The following TDRD5 variants were observed in gnomAD, a reference collection of about 807,000 sequenced individuals.
TDRD5 encodes the protein tudor domain-containing protein 5.
A neutral mutation model predicts 120.6 loss-of-function variants in TDRD5; 41 were observed. The ratio of observed to expected loss-of-function variants is 0.34; its 90% CI spans 0.26 to 0.44. TDRD5 has a LOEUF of 0.44. Ranked by LOEUF, TDRD5 falls within the 20% of genes least tolerant of loss-of-function variation. The pLI is 1.00. For synonymous variants in TDRD5, 430 were observed against 433.7 expected (o/e 0.99, Z 0.11); for missense variants, 1,006 against 1,221.2 (o/e 0.82, Z 2.63).
intron 15 of TDRD5, 103 bp downstream of exon 15, chr1:179,662,389 T>C (rs1679360289): frequency 7.9e-7 from 1 of 1,262,502 alleles, no homozygotes; most frequent in East Asian, 2.7e-5. Flanking sequence ...TCAGTTGAGC[T>C]CAGGAGTTCA....
chr1:179,640,409 T>C lies in TDRD5; in HGVS notation c.1764T>C (p.Ala588=), dbSNP rs749826001. Residue 588 remains alanine, a synonymous_variant, in exon 11 of 18, where the codon GCT becomes GCC. Transcript: ENST00000444136. ...KCCYTKLPAQ[A]IPCSLAWVRP... is the part of the protein sequence containing the mutation. ...GCTACACAAAGCTTCCAGCTCAGGC[T>C]ATCCCTTGTTCTTTGGCTTGGGTGA... The C allele has an allele frequency of 6.2e-7, 1 of 1,614,200 alleles. No homozygotes were observed. Among genetic ancestry groups the C allele is most frequent in the Admixed American group, 1.7e-5 (1 of 60,028 alleles).
At chr1:179,622,273 A>AT (rs1449832367) in intron 6 of TDRD5, among the ~76,000 whole-genome samples, 3 of 152,144 alleles carry the variant, frequency 2.0e-5, no homozygotes, top group Admixed American at 1.3e-4. Flanking sequence ...AGGGTGGCAG[A>AT]TTTTGGGTTT....
intron 3 of TDRD5, 61 bp downstream of exon 3, chr1:179,593,928 G>A: frequency 6.5e-7 from 1 of 1,544,508 alleles, no homozygotes; most frequent in African/African-American, 1.4e-5. Flanking sequence ...TAATCACTAA[G>A]GTCTATGAGT....
At chr1:179,637,182 C>T (rs1001397607) in intron 9 of TDRD5, among the ~76,000 whole-genome samples, 1 of 152,060 alleles carries the variant, frequency 6.6e-6, no homozygotes, top group Non-Finnish European at 1.5e-5. Context: ...TTTAATTTGA[C>T]AATAGTATGT....
chr1:179,655,806 T>C (rs1678977533), intron 14 of TDRD5, among the ~76,000 whole-genome samples: 1 of 152,220 alleles, frequency 6.6e-6, no homozygotes, highest in African/African-American at 2.4e-5. Context: ...TCTTTTCGAT[T>C]GCTGAATAGT....
In TDRD5 at chr1:179,654,283, T is replaced by C; in HGVS notation, c.2243T>C (p.Leu748Ser). ...EPLKDSEFES[L>S]KTCNKSFEED... ...TTAAAGGATTCTGAATTTGAGTCTTTGAAAACCTGTAATAAGAGCTTTGAA... is the reference window on the plus strand; with the variant it reads ...TTAAAGGATTCTGAATTTGAGTCTTCGAAAACCTGTAATAAGAGCTTTGAA... The change falls in exon 14 of 18, where the codon TTG (leucine) becomes TCG (serine). Residue 748 changes from leucine to serine, a missense_variant. Leu to Ser is a moderately radical substitution (Grantham distance 145). This residue lies in a region of TDRD5 where 403 missense variants were observed against 448.1 expected (regional missense o/e 0.90). Transcript: ENST00000444136. The C allele has an allele frequency of 1.3e-6, 2 of 1,549,948 alleles. No individual in the cohort carries two copies. Among genetic ancestry groups the C allele is most frequent in the Non-Finnish European group, 1.7e-6 (2 of 1,146,612 alleles).
intron 13 of TDRD5, among the ~76,000 whole-genome samples, chr1:179,653,180 A>G (rs1678813080): frequency 6.6e-6 from 1 of 152,238 alleles, no homozygotes; most frequent in Non-Finnish European, 1.5e-5. Flanking sequence ...TACTGGGCTA[A>G]GAATACAGGA....
intron 4 of TDRD5, among the ~76,000 whole-genome samples, chr1:179,601,495 A>C (rs1271160775): frequency 6.6e-6 from 1 of 152,138 alleles, no homozygotes; most frequent in Non-Finnish European, 1.5e-5. Flanking sequence ...TAGTTCCCAC[A>C]TATCAGTGAA....
At chr1:179,673,998 G>A (rs928681839) in intron 17 of TDRD5, among the ~76,000 whole-genome samples, 21 of 152,122 alleles carry the variant, frequency 1.4e-4, no homozygotes, top group African/African-American at 5.1e-4. Context: ...AGCAAACAGT[G>A]ACAGTTTGAC....
Position 179,671,831 on chromosome 1 carries a change from T to C in TDRD5, c.2860+2427T>C. Reference sequence around the variant, plus strand: ...TAGCTCCCACCTATGACTGAGAACATACGATATTTGGTTTTCCATTCCTGA... The same window carrying C: ...TAGCTCCCACCTATGACTGAGAACACACGATATTTGGTTTTCCATTCCTGA... On this transcript the variant is annotated intron_variant, in intron 17 of 17. Coordinates refer to ENST00000444136, the MANE Select transcript of TDRD5 (RefSeq NM_001199085.3). Among the ~76,000 whole-genome samples, 3 of 152,180 alleles carry C rather than the reference T, an allele frequency of 2.0e-5. No individual in the cohort carries two copies. The East Asian group carries it at 5.8e-4, about 29-fold the overall frequency.
intron 17 of TDRD5, among the ~76,000 whole-genome samples, chr1:179,686,332 T>C (rs1470830027): frequency 2.0e-5 from 3 of 152,248 alleles, no homozygotes; most frequent in African/African-American, 7.2e-5. Flanking sequence ...TCTGTGTATA[T>C]GAGGAATTAC....
chr1:179,613,623 C>A (rs764187719), intron 4 of TDRD5, among the ~76,000 whole-genome samples: 1 of 152,202 alleles, frequency 6.6e-6, no homozygotes, highest in Non-Finnish European at 1.5e-5. Flanking sequence ...CTTCCTCATT[C>A]ATAGATAGAG....
chr1:179,659,059 T>G (rs1171847294), intron 14 of TDRD5, among the ~76,000 whole-genome samples: 1 of 152,218 alleles, frequency 6.6e-6, no homozygotes, highest in Admixed American at 6.5e-5. Context: ...GTTTGGAAAT[T>G]TTCATGTTAA....
chr1:179,659,550 CGTGTGTGTGTGTGTGTGTGT>C (rs71569263), intron 14 of TDRD5, among the ~76,000 whole-genome samples: 3 of 129,784 alleles, frequency 2.3e-5, no homozygotes, highest in Admixed American at 8.3e-5. Flanking sequence ...TTCCAGTTTT[CGTGTGTGTGTGTGTGTGTGT>C]GTGTGTGTGT....
intron 11 of TDRD5, among the ~76,000 whole-genome samples, chr1:179,650,655 A>T (rs1285520969): frequency 6.6e-6 from 1 of 151,906 alleles, no homozygotes; most frequent in Non-Finnish European, 1.5e-5. Flanking sequence ...AATTATTTAA[A>T]TTTTTTCAGT....
At chr1:179,623,145 A>G (rs901441421) in intron 6 of TDRD5, among the ~76,000 whole-genome samples, 3 of 152,222 alleles carry the variant, frequency 2.0e-5, no homozygotes, top group Admixed American at 6.5e-5. Flanking sequence ...CAGTGATAAT[A>G]TCAAGAATGA....
At chr1:179,671,716 G>A (rs1679863466) in intron 17 of TDRD5, among the ~76,000 whole-genome samples, 1 of 152,098 alleles carries the variant, frequency 6.6e-6, no homozygotes, top group African/African-American at 2.4e-5. Flanking sequence ...TACCCAATGT[G>A]TAGTTTTTTA....
At chr1:179,621,934 C>G (rs1676864189) in intron 6 of TDRD5, among the ~76,000 whole-genome samples, 1 of 152,150 alleles carries the variant, frequency 6.6e-6, no homozygotes, top group African/African-American at 2.4e-5. Context: ...GCTTCAGAAT[C>G]CTAACTCTTA....
intron 6 of TDRD5, among the ~76,000 whole-genome samples, chr1:179,628,225 C>CT (rs1204751401): frequency 6.7e-6 from 1 of 150,234 alleles, no homozygotes; most frequent in Admixed American, 6.6e-5. Context: ...AATCTAAACT[C>CT]TAAGAAAAGG....
Sources: gnomAD v4.1 joint callset for allele counts (sites outside exome capture counted in the v4.1 genomes callset) on GRCh38, gnomAD v4.1.1 for gene constraint, gnomAD v4.1.1 regional missense constraint, MANE v1.5 for transcripts, NCBI Gene and HGNC (gene_info 2026-07-23, HGNC 2026-07-21) for gene names.